Variants in HMCN2 observed in about 807,000 individuals in gnomAD.
The protein encoded by HMCN2 is hemicentin-2.
A neutral mutation model predicts 377.5 loss-of-function variants in HMCN2; 325 were observed. The ratio of observed to expected loss-of-function variants is 0.86; its 90% confidence interval spans 0.79 to 0.94. HMCN2 has a LOEUF of 0.94. HMCN2 is among the 40% of genes least tolerant of loss of function. The probability of loss-of-function intolerance (pLI) is 0.00; values close to 1 mark genes in which losing one functional copy is unlikely to be tolerated. For missense variants in HMCN2, 4,543 were observed against 4,725.3 expected, an observed-to-expected ratio of 0.96 and a Z score of 1.13; for synonymous variants, 2,007 against 2,046.8, an observed-to-expected ratio of 0.98 and a Z score of 0.53.
chr9:130,391,093 C>G lies in HMCN2; in HGVS notation c.9640C>G (p.Arg3214Gly), dbSNP rs960703225. Residue 3214 changes from arginine to glycine, a missense_variant, in exon 63 of 98, where the codon CGC becomes GGC. By Grantham distance (125) the Arg-to-Gly change is moderately radical. This residue lies in a region of HMCN2 where 736 missense variants were observed against 773.2 expected (regional missense o/e 0.95). Transcript: ENST00000683500. The stretch of plus-strand genomic sequence containing the variant: ...GGCTGAGAACACCCAGGCTGAGGCC[C>G]GCAAGGACTTCGTGGTAGCAGTGCT... Reference protein sequence around the residue: ...CVAENTQAEARKDFVVAVLVA... With the variant: ...CVAENTQAEAGKDFVVAVLVA... 5 of 987,796 alleles carry G rather than the reference C, an allele frequency of 5.1e-6. No individual in the cohort carries two copies. Among genetic ancestry groups the G allele is most frequent in the Non-Finnish European group, 6.0e-6 (5 of 830,222 alleles). The allele number at this position is 987,796 out of a possible 1,614,324, so 61.2% of individuals were successfully genotyped here. A position where few individuals can be genotyped will look rare whatever the true frequency, so the allele number is the denominator to read the frequency against.
At chr9:130,358,920 C>T (rs554967065) in intron 36 of HMCN2, among the ~76,000 whole-genome samples, 4 of 152,300 alleles carry the variant, frequency 2.6e-5, no homozygotes, top group South Asian at 2.1e-4. Context: ...GTGATCCGCC[C>T]GCCTCGGCCT....
intron 1 of HMCN2, among the ~76,000 whole-genome samples, chr9:130,273,380 A>G (rs782509204): frequency 3.9e-5 from 6 of 152,182 alleles, no homozygotes; most frequent in Non-Finnish European, 5.9e-5. Context: ...CCAAATTATA[A>G]TACTGTCGCT....
In HMCN2 at chr9:130,349,109, G is replaced by A; in HGVS notation, c.4281G>A (p.Arg1427=). ...RAENQAGTAQ[R]DFHLLVLTPP... ...AGAACCAGGCTGGCACCGCCCAGAG[G>A]GACTTCCATCTCCTTGTGCTCAGTG... Residue 1427 remains arginine, a synonymous_variant, in exon 28 of 98, where the codon AGG becomes AGA. Transcript: ENST00000683500. 1 of 1,304,180 alleles carries A rather than the reference G, an allele frequency of 7.7e-7. No individual in the cohort carries two copies. Among genetic ancestry groups the A allele is most frequent in the Non-Finnish European group, 1.0e-6 (1 of 988,928 alleles). The allele number at this position is 1,304,180 out of a possible 1,614,324, so 80.8% of individuals were successfully genotyped here.
chr9:130,423,137 C>T lies in HMCN2; in HGVS notation c.13381+411C>T, dbSNP rs947154728. On this transcript the variant is annotated intron_variant, in intron 87 of 97. Transcript: ENST00000683500. The surrounding 1 kb of genome is among the most constrained non-coding windows in gnomAD (Gnocchi z 5.5). ...AGTGAGGGGTGCAGGCTGGAGGTGA[C>T]GGGAAGCGGGAAACATGGAGAATTG... Among the ~76,000 whole-genome samples, 2 of 152,008 alleles carry T rather than the reference C, an allele frequency of 1.3e-5. No homozygotes were observed. The highest frequency in any genetic ancestry group is 6.6e-5 in the Admixed American group (1 of 15,260).
chr9:130,335,299 C>T (rs1023477376), intron 22 of HMCN2, among the ~76,000 whole-genome samples: 1 of 152,004 alleles, frequency 6.6e-6, no homozygotes, highest in Non-Finnish European at 1.5e-5. Context: ...TGGATTTGGC[C>T]GTTGATTGGT....
chr9:130,378,597 C>T (rs539528770), intron 53 of HMCN2, among the ~76,000 whole-genome samples: 41 of 71,708 alleles, frequency 5.7e-4, no homozygotes, highest in African/African-American at 8.9e-4. Flanking sequence ...GGCGGGGAGG[C>T]GGGGAGGCAG....
chr9:130,396,327 G>C lies in HMCN2; in HGVS notation c.11198+14G>C. 1.6e-6 allele frequency: 2 copies of C among 1,260,436 alleles called. No homozygotes were observed. Among genetic ancestry groups the C allele is most frequent in the Non-Finnish European group, 2.1e-6 (2 of 965,536 alleles). The allele number at this position is 1,260,436 out of a possible 1,614,324, so 78.1% of individuals were successfully genotyped here. On this transcript the variant is annotated intron_variant, in intron 73 of 97. Coordinates refer to ENST00000683500, the MANE Select transcript of HMCN2 (RefSeq NM_001291815.2). ...CAGGAGCCCCAGGTGGGAGAGGGAAGGGGTGGGCCTCAGGGAGGCTCTCAG... is the reference window on the plus strand; with the variant it reads ...CAGGAGCCCCAGGTGGGAGAGGGAACGGGTGGGCCTCAGGGAGGCTCTCAG...
At chr9:130,364,668 C>G in intron 40 of HMCN2, 46 bp from the exon 41 acceptor site, 1 of 967,082 alleles carries the variant, frequency 1.0e-6, no homozygotes, top group Middle Eastern at 5.3e-4. Flanking sequence ...CCTTGCCAGC[C>G]CCACCCATGT....
Position 130,425,130 on chromosome 9 carries a change from G to C in HMCN2, c.13641G>C (p.Gln4547His). Residue 4547 changes from glutamine to histidine, a missense_variant and splice_region_variant, in exon 89 of 98, where the codon CAG becomes CAC. Coordinates refer to ENST00000683500, the MANE Select transcript of HMCN2 (RefSeq NM_001291815.2). Reference protein sequence around the residue: ...ESLADADLQVQDFEEHYVQTG... With the variant: ...ESLADADLQVHDFEEHYVQTG... ...TGGCTGACGCAGATCTTCAAGTGCA[G>C]GTCGGGGGTCAAGCCCTGGGGTGTG... 1 of 1,546,980 alleles carries C rather than the reference G, an allele frequency of 6.5e-7. No homozygotes were observed. Among genetic ancestry groups the C allele is most frequent in the Non-Finnish European group, 8.7e-7 (1 of 1,145,366 alleles).
rs1836995783 is a variant in HMCN2 at position 130,308,180 on chromosome 9, C to T, written c.2200+614C>T. On this transcript the variant is annotated intron_variant, in intron 14 of 97. Transcript: ENST00000683500. This position sits in a 1 kb window ranked among gnomAD's most constrained non-coding sequence, Gnocchi z 4.1. Reference sequence around the variant, plus strand: ...CCATGTTGGACAGGCTAGTCTGGAACTCCTGACCTCAGGTGACCCACTCGC... The same window carrying T: ...CCATGTTGGACAGGCTAGTCTGGAATTCCTGACCTCAGGTGACCCACTCGC... 6.6e-6 allele frequency among the ~76,000 whole-genome samples: 1 copy of T among 152,174 alleles called. No individual in the cohort carries two copies.
At chr9:130,403,639 G>C (rs939740658) in intron 79 of HMCN2, 102 bp from the exon 80 acceptor site, 1 of 1,162,666 alleles carries the variant, frequency 8.6e-7, no homozygotes, top group African/African-American at 1.6e-5. Flanking sequence ...TGTGACCCCA[G>C]CAAGTCATTT....
chr9:130,405,348 T>G (rs1843041868), intron 81 of HMCN2, among the ~76,000 whole-genome samples: 1 of 152,248 alleles, frequency 6.6e-6, no homozygotes, highest in Admixed American at 6.5e-5. Context: ...GTCCTGAAAG[T>G]CTACCCAGTT....
rs1395192420 is a variant in HMCN2 at position 130,425,685 on chromosome 9, A to G, written c.13642-2A>G. 1 of 1,403,376 alleles carries G rather than the reference A, an allele frequency of 7.1e-7. No homozygotes were observed. Among genetic ancestry groups the G allele is most frequent in the Non-Finnish European group, 9.4e-7 (1 of 1,062,476 alleles). The allele number at this position is 1,403,376 out of a possible 1,614,324, so 86.9% of individuals were successfully genotyped here. A position where few individuals can be genotyped will look rare whatever the true frequency, so the allele number is the denominator to read the frequency against. On this transcript the variant is annotated splice_acceptor_variant, in intron 89 of 97. Coordinates refer to ENST00000683500, the MANE Select transcript of HMCN2 (RefSeq NM_001291815.2). LOFTEE classifies it high-confidence loss of function. Reference sequence around the variant, plus strand: ...CCTCCTCCCCTCCTCTTCATCCTGCAGGACTTTGAGGAGCACTACGTGCAA... The same window carrying G: ...CCTCCTCCCCTCCTCTTCATCCTGCGGGACTTTGAGGAGCACTACGTGCAA...
chr9:130,383,266 G>GT (rs1344760725), intron 56 of HMCN2, among the ~76,000 whole-genome samples: 4 of 88,634 alleles, frequency 4.5e-5, no homozygotes, highest in Non-Finnish European at 9.1e-5. Flanking sequence ...CTCCACAGGG[G>GT]TGGGGGAGGC....
intron 85 of HMCN2, among the ~76,000 whole-genome samples, chr9:130,413,931 A>C (rs1196219670): frequency 2.0e-5 from 3 of 150,398 alleles, no homozygotes; most frequent in Non-Finnish European, 4.4e-5. Flanking sequence ...AGATCGCTTG[A>C]GCTCAGGAAT....
At chr9:130,289,666 AC>A (rs544151688) in intron 4 of HMCN2, among the ~76,000 whole-genome samples, 24 of 151,750 alleles carry the variant, frequency 1.6e-4, no homozygotes, top group African/African-American at 5.3e-4. Flanking sequence ...ATGCCATCCC[AC>A]CCCCCCGTGC....
At chr9:130,330,057 C>A (rs1206320435) in intron 22 of HMCN2, among the ~76,000 whole-genome samples, 2 of 150,810 alleles carry the variant, frequency 1.3e-5, no homozygotes, top group Non-Finnish European at 3.0e-5. Context: ...CTTCCCCTCT[C>A]CCTTGTCTTC....
intron 1 of HMCN2, among the ~76,000 whole-genome samples, chr9:130,281,112 A>G (rs1371783012): frequency 6.6e-6 from 1 of 151,116 alleles, no homozygotes; most frequent in Non-Finnish European, 1.5e-5. Context: ...GAAAAAAAAA[A>G]AAATACAGGC....
intron 31 of HMCN2, 46 bp downstream of exon 31, chr9:130,353,251 A>T (rs1588292151): frequency 7.8e-7 from 1 of 1,287,514 alleles, no homozygotes; most frequent in South Asian, 1.3e-5. Flanking sequence ...AGTGGGAGGG[A>T]CTCAGCCATG....
Sources: allele counts gnomAD v4.1 joint callset (sites outside exome capture counted in the v4.1 genomes callset), GRCh38; gene constraint gnomAD v4.1.1; regional missense constraint gnomAD v4.1.1; non-coding constraint Gnocchi (gnomAD v3.1); transcripts MANE v1.5; gene names NCBI Gene and HGNC (gene_info 2026-07-23, HGNC 2026-07-21).